FRMD4A: variants seen among roughly 807,000 people sequenced by gnomAD.
The protein encoded by FRMD4A is FERM domain-containing protein 4A.
FRMD4A carries 29 observed loss-of-function variants against 129.1 expected under a neutral mutation model. That is an observed-to-expected ratio of 0.22 (90% CI 0.17 to 0.31). The LOEUF is 0.31. Among genes scored for constraint, FRMD4A ranks in the 10% least tolerant of loss-of-function variants. The pLI is 1.00. For missense variants in FRMD4A, 1,272 were observed against 1,375.8 expected, an observed-to-expected ratio of 0.92 and a Z score of 1.19; for synonymous variants, 634 against 571.6, an observed-to-expected ratio of 1.11 and a Z score of -1.56.
intron 23 of FRMD4A, chr10:13,654,042 CA>C (rs1055686806): frequency 4.8e-6 from 2 of 414,738 alleles, no homozygotes; most frequent in Non-Finnish European, 8.5e-6. Context: ...CTGTCTTCAT[CA>C]GCTCTCTTTC....
At chr10:13,792,602 G>A (rs112755955) in intron 5 of FRMD4A, among the ~76,000 whole-genome samples, 3 of 152,166 alleles carry the variant, frequency 2.0e-5, no homozygotes, top group African/African-American at 7.2e-5. Context: ...GGAATAATCA[G>A]ACCTGCTTCC....
intron 12 of FRMD4A, among the ~76,000 whole-genome samples, chr10:13,735,875 C>T (rs1358451523): frequency 6.6e-6 from 1 of 152,132 alleles, no homozygotes; most frequent in Non-Finnish European, 1.5e-5. Flanking sequence ...AGAGTCAGGC[C>T]AGGTGTGGTG....
At chr10:13,931,951 AAACCAACC>A (rs376187231) in intron 2 of FRMD4A, among the ~76,000 whole-genome samples, 6 of 111,388 alleles carry the variant, frequency 5.4e-5, no homozygotes, top group Non-Finnish European at 1.1e-4. Flanking sequence ...TCTGTCTCAA[AAACCAACC>A]AACCAACCAA....
intron 2 of FRMD4A, among the ~76,000 whole-genome samples, chr10:14,270,570 TAA>T (rs1845130717): frequency 6.6e-6 from 1 of 152,162 alleles, no homozygotes; most frequent in Non-Finnish European, 1.5e-5. Context: ...TGCTGCATAT[TAA>T]CCCTAAGAAT....
At chr10:13,718,693 C>T (rs928170583) in intron 12 of FRMD4A, among the ~76,000 whole-genome samples, 1 of 152,224 alleles carries the variant, frequency 6.6e-6, no homozygotes, top group Non-Finnish European at 1.5e-5. Context: ...GGGGCGGAAG[C>T]AGAGGAGGAA....
chr10:14,203,908 C>A (rs1842708813), intron 2 of FRMD4A, among the ~76,000 whole-genome samples: 1 of 152,218 alleles, frequency 6.6e-6, no homozygotes, highest in Non-Finnish European at 1.5e-5. Flanking sequence ...TCCTCTGGAG[C>A]AAGATCTATT....
intron 2 of FRMD4A, among the ~76,000 whole-genome samples, chr10:14,010,664 CTTTTTT>C (rs779471389): frequency 2.6e-5 from 2 of 76,418 alleles, no homozygotes; most frequent in Non-Finnish European, 4.8e-5. Context: ...GAGTTTAGGT[CTTTTTT>C]TTTTTTTTTT....
chr10:14,141,265 C>T (rs1301807359), intron 2 of FRMD4A, among the ~76,000 whole-genome samples: 1 of 152,108 alleles, frequency 6.6e-6, no homozygotes, highest in Non-Finnish European at 1.5e-5. Context: ...TGGATGTGCC[C>T]ACAGGATCCA....
intron 23 of FRMD4A, among the ~76,000 whole-genome samples, chr10:13,653,670 C>T (rs894590025): frequency 2.6e-5 from 4 of 152,214 alleles, no homozygotes; most frequent in Non-Finnish European, 4.4e-5. Flanking sequence ...ACTCCTCTAA[C>T]CAACAGATGA....
At chr10:13,790,792 G>T (rs1428516997) in intron 5 of FRMD4A, among the ~76,000 whole-genome samples, 1 of 152,120 alleles carries the variant, frequency 6.6e-6, no homozygotes, top group Non-Finnish European at 1.5e-5. Flanking sequence ...CCCATCTCTC[G>T]GCGGTTGCTG....
At chr10:14,258,442 G>T (rs1844691172) in intron 2 of FRMD4A, among the ~76,000 whole-genome samples, 4 of 152,024 alleles carry the variant, frequency 2.6e-5, no homozygotes, top group Admixed American at 2.0e-4. Context: ...ATAAGCACAT[G>T]AAAAAATCCT....
intron 2 of FRMD4A, among the ~76,000 whole-genome samples, chr10:14,277,151 G>A (rs559964361): frequency 1.3e-5 from 2 of 152,212 alleles, no homozygotes; most frequent in African/African-American, 2.4e-5. Flanking sequence ...CGTGAGCCAC[G>A]GTGCCTGGCC....
Position 14,313,468 on chromosome 10 carries a change from C to T in FRMD4A, c.45+16590G>A, listed in dbSNP as rs141976804. ...CAATATTGGAATGGTTAATTATCTA[C>T]GAAGAGTTTCAGAAACATCTTTGTC... On this transcript the variant is annotated intron_variant, in intron 2 of 24. Transcript: ENST00000357447. 3.3e-3 allele frequency among the ~76,000 whole-genome samples: 508 copies of T among 152,272 alleles called. 7 individuals carry two copies. The East Asian group carries it at 0.039, about 12-fold the overall frequency.
intron 2 of FRMD4A, among the ~76,000 whole-genome samples, chr10:13,887,175 A>G (rs960980404): frequency 6.6e-6 from 1 of 152,212 alleles, no homozygotes; most frequent in Non-Finnish European, 1.5e-5. Flanking sequence ...ACATCTGTAG[A>G]GAGGTTTTGA....
At position 13,955,112 on chromosome 10, in the gene FRMD4A, C is replaced by CTTTTTTTTTTTTTTTTTTT. The variant is rs71388139; in HGVS notation, c.46-96201_46-96200insAAAAAAAAAAAAAAAAAAA. ...TTCCAACCCCATGTTAATAATTCTG[C>CTTTTTTTTTTTTTTTTTTT]TTTTTTTTTTTTTGAGACGGAGTAT... On this transcript the variant is annotated intron_variant, in intron 2 of 24. Coordinates refer to ENST00000357447, the MANE Select transcript of FRMD4A (RefSeq NM_018027.5). Among the ~76,000 whole-genome samples, 395 of 102,902 alleles carry CTTTTTTTTTTTTTTTTTTT rather than the reference C, an allele frequency of 3.8e-3. 37 individuals are homozygous for CTTTTTTTTTTTTTTTTTTT. Among genetic ancestry groups the CTTTTTTTTTTTTTTTTTTT allele is most frequent in the Non-Finnish European group, 4.8e-3 (265 of 55,076 alleles). 67.5% of individuals were successfully genotyped at this position (102,902 alleles called of 152,430 possible).
rs566841473 is a variant in FRMD4A, at chr10:14,051,244, C to T, written c.46-192332G>A. Among the ~76,000 whole-genome samples, 7 of 152,298 alleles carry T rather than the reference C, an allele frequency of 4.6e-5. No individual in the cohort carries two copies. The South Asian group carries it at 8.3e-4, about 18-fold the overall frequency. Reference sequence around the variant, plus strand: ...CCACCTTGGGGCAGCCTCTCCTTACCGAGTATCACACCCTGTCCCTTCTCT... The same window carrying T: ...CCACCTTGGGGCAGCCTCTCCTTACTGAGTATCACACCCTGTCCCTTCTCT... On this transcript the variant is annotated intron_variant, in intron 2 of 24. Transcript: ENST00000357447.
chr10:13,799,029 A>G (rs1190120186), intron 4 of FRMD4A, among the ~76,000 whole-genome samples: 1 of 151,710 alleles, frequency 6.6e-6, no homozygotes, highest in East Asian at 1.9e-4. Flanking sequence ...CCCACACCAC[A>G]CACCGGGTGG....
chr10:13,903,614 G>A (rs946298204), intron 2 of FRMD4A, among the ~76,000 whole-genome samples: 1 of 152,002 alleles, frequency 6.6e-6, no homozygotes, highest in Admixed American at 6.6e-5. Context: ...ATGCACGCCT[G>A]TAGTCCCAGC....
intron 2 of FRMD4A, among the ~76,000 whole-genome samples, chr10:13,914,868 T>A (rs986130306): frequency 2.6e-5 from 4 of 151,800 alleles, no homozygotes; most frequent in East Asian, 1.9e-4. Context: ...ATAAAAAAAA[T>A]TTGCGCATGG....
Sources: allele counts gnomAD v4.1 joint callset (sites outside exome capture counted in the v4.1 genomes callset), GRCh38; gene constraint gnomAD v4.1.1; transcripts MANE v1.5; gene names NCBI Gene and HGNC (gene_info 2026-07-23, HGNC 2026-07-21).